The following AGFG2 variants were observed in gnomAD, a reference collection of about 807,000 sequenced individuals.
The protein encoded by AGFG2 is arf-GAP domain and FG repeat-containing protein 2.
A neutral mutation model predicts 48.0 loss-of-function variants in AGFG2; 31 were observed. The ratio of observed to expected loss-of-function variants is 0.65; its 90% CI spans 0.49 to 0.87. AGFG2 has a LOEUF of 0.87. Among genes scored for constraint, AGFG2 ranks in the 40% least tolerant of loss-of-function variants. The pLI is 0.00. For missense variants in AGFG2, 599 were observed against 632.6 expected (o/e 0.95, Z 0.57); for synonymous variants, 229 against 260.8 (o/e 0.88, Z 1.18).
chr7:100,555,263 G>GT (rs1166680394), intron 5 of AGFG2, among the ~76,000 whole-genome samples: 4,822 of 75,152 alleles, frequency 0.064, 1,357 homozygotes, highest in African/African-American at 0.095. Context: ...TGTGTGTGTG[G>GT]TTTTTTTTTT....
intron 1 of AGFG2, among the ~76,000 whole-genome samples, chr7:100,542,985 A>G (rs906203772): frequency 2.6e-5 from 4 of 152,232 alleles, no homozygotes; most frequent in African/African-American, 9.6e-5. Context: ...CTGTATTGCT[A>G]AAAGCTATGA....
In AGFG2 at chr7:100,565,420, C is replaced by T. The variant is rs1800985309; in HGVS notation, c.*429C>T. On this transcript the variant is annotated 3_prime_UTR_variant, in exon 12 of 12. Coordinates refer to ENST00000300176, the MANE Select transcript of AGFG2 (RefSeq NM_006076.5). Reference sequence around the variant, plus strand: ...CCAGACAGTCCTGAGACCCAGAAGGCCCAGGTGGCCCAAGTGCTCTTGGTG... The same window carrying T: ...CCAGACAGTCCTGAGACCCAGAAGGTCCAGGTGGCCCAAGTGCTCTTGGTG... 6.2e-6 allele frequency: 1 copy of T among 162,546 alleles called. No homozygotes were observed. The highest frequency in any genetic ancestry group is 1.7e-4 in the South Asian group (1 of 5,846). The allele number at this position is 162,546 out of a possible 1,614,324, so 10.1% of individuals were successfully genotyped here. A position where few individuals can be genotyped will look rare whatever the true frequency, so the allele number is the denominator to read the frequency against.
Position 100,566,770 on chromosome 7 carries a change from A to G in AGFG2, c.*1779A>G, listed in dbSNP as rs953529271. On this transcript the variant is annotated 3_prime_UTR_variant, in exon 12 of 12. Transcript: ENST00000300176. ...CTCCCGCTTCGCTCCTGGCCTTTGC[A>G]TGTTCCATCTCTTCTCTTTCTCCCC... The G allele has an allele frequency of 1.3e-5, 2 of 151,828 alleles. No individual in the cohort carries two copies. The highest frequency in any genetic ancestry group is 6.6e-5 in the Admixed American group (1 of 15,220). 9.4% of individuals were successfully genotyped at this position (151,828 alleles called of 1,614,324 possible). A position where few individuals can be genotyped will look rare whatever the true frequency, so the allele number is the denominator to read the frequency against.
intron 1 of AGFG2, 40 bp from the exon 2 acceptor site, chr7:100,548,780 AAC>A (rs1305517051): frequency 2.0e-6 from 3 of 1,493,562 alleles, no homozygotes; most frequent in Non-Finnish European, 2.8e-6. Context: ...CTGCCATGCT[AAC>A]TGCATTATAC....
Position 100,555,723 on chromosome 7 carries a change from C to A in AGFG2, c.865C>A (p.Pro289Thr), listed in dbSNP as rs752270655. 6.2e-7 allele frequency: 1 copy of A among 1,614,064 alleles called. No homozygotes were observed. The highest frequency in any genetic ancestry group is 1.1e-5 in the South Asian group (1 of 91,084). ...TGGTCAAGCCTCGTTCCAGGCCCAG[C>A]CAACTCCTGCAGGTAAACTCTGCCC... Reference protein sequence around the residue: ...PAGQASFQAQPTPAGSSQGTP... With the variant: ...PAGQASFQAQTTPAGSSQGTP... Residue 289 changes from proline to threonine, a missense_variant, in exon 6 of 12, where the codon CCA (proline) becomes ACA (threonine). Coordinates refer to ENST00000300176, the MANE Select transcript of AGFG2 (RefSeq NM_006076.5).
At chr7:100,553,973 G>C in intron 4 of AGFG2, 120 bp from the exon 5 acceptor site, 1 of 1,205,722 alleles carries the variant, frequency 8.3e-7, no homozygotes, top group Non-Finnish European at 1.1e-6. Flanking sequence ...TCTAGGTTGA[G>C]GGCAGTTACT....
Position 100,562,263 on chromosome 7 carries a change from C to T in AGFG2, c.882C>T (p.Ser294=), listed in dbSNP as rs1214089425. The T allele has an allele frequency of 6.2e-7, 1 of 1,613,318 alleles. No individual in the cohort carries two copies. Among genetic ancestry groups the T allele is most frequent in the African/African-American group, 1.3e-5 (1 of 74,920 alleles). The change falls in exon 7 of 12, where the codon AGC becomes AGT. Residue 294 remains serine, a synonymous_variant. Transcript: ENST00000300176. The surrounding 1 kb of genome is among the most constrained non-coding windows in gnomAD (Gnocchi z 5.4). The part of the protein sequence containing the change: ...SFQAQPTPAG[S]SQGTPFGATP... The stretch of plus-strand genomic sequence containing the variant: ...GTATTTTCCACAACTGCCCAGGGAG[C>T]AGCCAGGGGACTCCATTTGGTGCCA...
intron 6 of AGFG2, among the ~76,000 whole-genome samples, chr7:100,561,395 G>A (rs1800868024): frequency 3.3e-5 from 5 of 152,130 alleles, no homozygotes; most frequent in Admixed American, 3.3e-4. Context: ...TGAAAGTATT[G>A]GGATTACAGG....
chr7:100,554,937 CAAA>C (rs749887106), intron 5 of AGFG2, among the ~76,000 whole-genome samples: 1 of 57,576 alleles, frequency 1.7e-5, no homozygotes. Flanking sequence ...GACTCCGTCT[CAAA>C]AAAAAAAAAA....
At chr7:100,548,980 T>C in intron 2 of AGFG2, 65 bp downstream of exon 2, 6 of 1,343,968 alleles carry the variant, frequency 4.5e-6, no homozygotes, top group Non-Finnish European at 6.4e-6. Context: ...TGCCTCAAGA[T>C]TGTAGGGAAA....
At chr7:100,547,250 C>T (rs1584381565) in intron 1 of AGFG2, among the ~76,000 whole-genome samples, 1 of 150,612 alleles carries the variant, frequency 6.6e-6, no homozygotes, top group South Asian at 2.1e-4. Context: ...TGTGTGTGCA[C>T]CTGTTAGTGT....
At chr7:100,551,325 C>T (rs1445243022) in intron 3 of AGFG2, among the ~76,000 whole-genome samples, 2 of 151,110 alleles carry the variant, frequency 1.3e-5, no homozygotes, top group East Asian at 4.0e-4. Context: ...CACCTTGGCT[C>T]CCAAAGTGCT....
rs1202390017 is a variant in AGFG2, at chr7:100,562,086, A to T, written c.878-173A>T. ...TTGCCCAGAACTCTTGGTGGGAGAC[A>T]AGACCTCCTGAACTGGGTGGTCCCT... On this transcript the variant is annotated intron_variant, in intron 6 of 11. Transcript: ENST00000300176. The surrounding 1 kb of genome is among the most constrained non-coding windows in gnomAD (Gnocchi z 5.4). Among the ~76,000 whole-genome samples, 1 of 151,972 alleles carries T rather than the reference A, an allele frequency of 6.6e-6. No individual in the cohort carries two copies. The highest frequency in any genetic ancestry group is 2.4e-5 in the African/African-American group (1 of 41,364).
chr7:100,550,282 G>A lies in AGFG2; in HGVS notation c.316-114G>A, dbSNP rs188843160. 7.6e-4 allele frequency: 549 copies of A among 725,590 alleles called. 2 individuals are homozygous for A. The African/African-American group carries it at 9.3e-3, about 12-fold the overall frequency. 44.9% of individuals were successfully genotyped at this position (725,590 alleles called of 1,614,324 possible). ...AGATCGTGCCACTGCACTCCAGCCC[G>A]GCGACAGAGCGAGACTCCGTCTCAA... On this transcript the variant is annotated intron_variant, in intron 2 of 11. Transcript: ENST00000300176.
intron 3 of AGFG2, 69 bp downstream of exon 3, chr7:100,550,580 T>C (rs1800611515): frequency 7.8e-7 from 1 of 1,273,968 alleles, no homozygotes; most frequent in East Asian, 2.3e-5. Context: ...GTCCAGTTTC[T>C]AGAGTTGAAT....
intron 1 of AGFG2, among the ~76,000 whole-genome samples, chr7:100,541,190 C>T (rs1032863725): frequency 6.6e-6 from 1 of 152,122 alleles, no homozygotes; most frequent in African/African-American, 2.4e-5. Context: ...TAGTGATGAT[C>T]ATGGCAGACC....
In AGFG2 at chr7:100,556,660, A is replaced by G. The variant is rs779119160; in HGVS notation, c.877+925A>G. On this transcript the variant is annotated intron_variant, in intron 6 of 11. Coordinates refer to ENST00000300176, the MANE Select transcript of AGFG2 (RefSeq NM_006076.5). ...TTATCCCCACCCCAGAGCCTACCCA[A>G]GTGCCTCTGATCATAGAGTTTTGAG... is the stretch of plus-strand genomic sequence containing the variant. 7 of 1,284,624 alleles carry G rather than the reference A, an allele frequency of 5.4e-6. No individual in the cohort carries two copies. The East Asian group carries it at 3.3e-4, about 61-fold the overall frequency. 79.6% of individuals were successfully genotyped at this position (1,284,624 alleles called of 1,614,324 possible).
intron 5 of AGFG2, 52 bp from the exon 6 acceptor site, chr7:100,555,558 C>T: frequency 6.3e-7 from 1 of 1,583,176 alleles, no homozygotes; most frequent in Non-Finnish European, 8.6e-7. Context: ...CAGGCGTGAG[C>T]TACCACACCC....
In AGFG2 at chr7:100,567,759, CAG is replaced by C. The variant is rs1026816186; in HGVS notation, c.*2769_*2770del. On this transcript the variant is annotated 3_prime_UTR_variant, in exon 12 of 12. Transcript: ENST00000300176. Reference sequence around the variant, plus strand: ...TGAGAACGCAGTGCCCCGTCCCTGACAGGGATGAAAAGTGAACCCCTCAGGTC... The same window carrying C: ...TGAGAACGCAGTGCCCCGTCCCTGACGGATGAAAAGTGAACCCCTCAGGTC... 6.6e-6 allele frequency: 1 copy of C among 152,276 alleles called. No individual in the cohort carries two copies. The highest frequency in any genetic ancestry group is 1.5e-5 in the Non-Finnish European group (1 of 68,066). The allele number at this position is 152,276 out of a possible 1,614,324, so 9.4% of individuals were successfully genotyped here.
Sources: gnomAD v4.1 joint callset for allele counts (sites outside exome capture counted in the v4.1 genomes callset) on GRCh38, gnomAD v4.1.1 for gene constraint, Gnocchi (gnomAD v3.1) non-coding constraint, MANE v1.5 for transcripts, NCBI Gene and HGNC (gene_info 2026-07-23, HGNC 2026-07-21) for gene names.